Variants in TNR observed in about 807,000 individuals in gnomAD.
TNR encodes tenascin R, also known as tenascin-R.
Under a neutral mutation model 150.4 loss-of-function variants are expected in TNR, and 45 were observed. The ratio of observed to expected loss-of-function variants is 0.30; its 90% confidence interval spans 0.24 to 0.38. TNR has a LOEUF of 0.38. TNR is among the 10% of genes least tolerant of loss of function. The pLI, the probability that TNR is intolerant of heterozygous loss-of-function variation, is 1.00. For missense variants in TNR, 1,544 were observed against 1,759.1 expected (o/e 0.88, Z 2.19); for synonymous variants, 687 against 678.4 (o/e 1.01, Z -0.20).
chr1:175,340,045 A>G lies in TNR; in HGVS notation c.3383-2366T>C, dbSNP rs111818692. ...TTTTGAATACCTGAATGGCTATCAT[A>G]TAAAATAGTGATTCATTTTTTAAAG... On this transcript the variant is annotated intron_variant, in intron 18 of 22. Coordinates refer to ENST00000367674, the MANE Select transcript of TNR (RefSeq NM_003285.3). Among the ~76,000 whole-genome samples, 1,199 of 152,352 alleles carry G rather than the reference A, an allele frequency of 7.9e-3. 15 individuals carry two copies. Among genetic ancestry groups the G allele is most frequent in the African/African-American group, 0.025 (1,054 of 41,584 alleles).
rs1649100062 is a variant in TNR at position 175,322,339 on chromosome 1, C to G, written c.*1018G>C. The G allele has an allele frequency of 6.6e-6, 1 of 152,248 alleles. No homozygotes were observed. Among genetic ancestry groups the G allele is most frequent in the South Asian group, 2.1e-4 (1 of 4,830 alleles). 9.4% of individuals were successfully genotyped at this position (152,248 alleles called of 1,614,324 possible). A position where few individuals can be genotyped will look rare whatever the true frequency, so the allele number is the denominator to read the frequency against. On this transcript the variant is annotated 3_prime_UTR_variant, in exon 23 of 23. Transcript: ENST00000367674. ...ACTAGATTCCAAAATGCTGGTTGGG[C>G]TTTTGAGGCTCTGGGGTCTAAGACA...
At chr1:175,607,360 G>A (rs969547909) in intron 1 of TNR, among the ~76,000 whole-genome samples, 1 of 152,170 alleles carries the variant, frequency 6.6e-6, no homozygotes, top group African/African-American at 2.4e-5. Context: ...CTAAGCATTT[G>A]TGCAACCCAA....
chr1:175,651,042 C>T (rs866544602), intron 1 of TNR, among the ~76,000 whole-genome samples: 1 of 36,838 alleles, frequency 2.7e-5, no homozygotes, highest in Non-Finnish European at 5.7e-5. Flanking sequence ...TCATTACTAC[C>T]CCTCCCCACC....
chr1:175,679,315 G>A (rs542341392), intron 1 of TNR, among the ~76,000 whole-genome samples: 1 of 152,310 alleles, frequency 6.6e-6, no homozygotes, highest in Admixed American at 6.5e-5. Context: ...CCAGACAGCT[G>A]GGGCACCAGT....
chr1:175,404,490 C>T (rs1348907580), intron 3 of TNR, among the ~76,000 whole-genome samples: 1 of 152,170 alleles, frequency 6.6e-6, no homozygotes, highest in Non-Finnish European at 1.5e-5. Context: ...ATTTATCTGC[C>T]TAGCATGATT....
At chr1:175,687,882 C>T (rs1045060285) in intron 1 of TNR, among the ~76,000 whole-genome samples, 6 of 151,700 alleles carry the variant, frequency 4.0e-5, no homozygotes, top group East Asian at 1.9e-4. Context: ...CCCCAGAATA[C>T]GCTCCAATCT....
chr1:175,598,924 AGAAATCCAACGTGTGCAG>A (rs1203807326), intron 1 of TNR, among the ~76,000 whole-genome samples: 13 of 152,354 alleles, frequency 8.5e-5, no homozygotes, highest in African/African-American at 2.6e-4. Flanking sequence ...CCATGAGGGC[AGAAATCCAACGTGTGCAG>A]GAACCCCTCC....
chr1:175,570,205 T>C lies in TNR; in HGVS notation c.-164-41836A>G, dbSNP rs1661806744. ...AGACCAAACTGCTGATTTGTGATCT[T>C]TGTGAATGTCTCCAGAGGCCCAGGA... On this transcript the variant is annotated intron_variant, in intron 1 of 22. Transcript: ENST00000367674. Among the ~76,000 whole-genome samples the C allele has an allele frequency of 1.3e-5, 2 of 152,188 alleles. 1 individual carries two copies. Among genetic ancestry groups the C allele is most frequent in the South Asian group, 4.1e-4 (2 of 4,826 alleles).
At chr1:175,442,777 G>A (rs1353316991) in intron 2 of TNR, among the ~76,000 whole-genome samples, 2 of 151,730 alleles carry the variant, frequency 1.3e-5, no homozygotes, top group Non-Finnish European at 2.9e-5. Context: ...CAAAGCAAAC[G>A]TCAACATATC....
intron 1 of TNR, among the ~76,000 whole-genome samples, chr1:175,544,916 C>A (rs1186896063): frequency 2.0e-5 from 3 of 152,170 alleles, no homozygotes; most frequent in Admixed American, 1.3e-4. Flanking sequence ...AGACACTATA[C>A]CCAAGCAGAA....
At chr1:175,410,977 GCC>G (rs1654186807) in intron 2 of TNR, among the ~76,000 whole-genome samples, 1 of 152,152 alleles carries the variant, frequency 6.6e-6, no homozygotes. Context: ...GGTGGAGAAG[GCC>G]AAAGTTCATT....
At chr1:175,725,978 G>A (rs945667106) in intron 1 of TNR, among the ~76,000 whole-genome samples, 17 of 152,170 alleles carry the variant, frequency 1.1e-4, no homozygotes, top group Non-Finnish European at 2.9e-5. Context: ...CATTAGAGGT[G>A]CCAAGTACAT....
chr1:175,324,809 G>C (rs571239833), intron 21 of TNR, among the ~76,000 whole-genome samples: 2 of 151,488 alleles, frequency 1.3e-5, no homozygotes, highest in African/African-American at 2.4e-5. Flanking sequence ...ACCCTCAGCT[G>C]TTTCCTCCCA....
At chr1:175,328,707 A>G (rs1262434998) in intron 21 of TNR, among the ~76,000 whole-genome samples, 2 of 152,182 alleles carry the variant, frequency 1.3e-5, no homozygotes, top group East Asian at 1.9e-4. Flanking sequence ...GCACAGTCCA[A>G]CTGTTCTGGC....
chr1:175,416,751 G>A (rs931812616), intron 2 of TNR, among the ~76,000 whole-genome samples: 3 of 152,162 alleles, frequency 2.0e-5, no homozygotes, highest in African/African-American at 7.2e-5. Context: ...GCTCACGCCT[G>A]TAATCCCAGC....
At chr1:175,404,303 G>A (rs1298355023) in intron 3 of TNR, among the ~76,000 whole-genome samples, 2 of 152,000 alleles carry the variant, frequency 1.3e-5, no homozygotes, top group African/African-American at 2.4e-5. Context: ...AACCTGTCTC[G>A]CTCCCTCCCT....
At chr1:175,597,922 T>A (rs1408690520) in intron 1 of TNR, among the ~76,000 whole-genome samples, 1 of 152,186 alleles carries the variant, frequency 6.6e-6, no homozygotes, top group Non-Finnish European at 1.5e-5. Flanking sequence ...GAAGGGTTAG[T>A]GAAAATTGAA....
chr1:175,681,699 G>A (rs1036439585), intron 1 of TNR, among the ~76,000 whole-genome samples: 2 of 152,166 alleles, frequency 1.3e-5, no homozygotes, highest in African/African-American at 4.8e-5. Context: ...TGGGAGCAGT[G>A]ACACACTCCA....
intron 10 of TNR, among the ~76,000 whole-genome samples, chr1:175,366,492 A>G (rs181909255): frequency 6.6e-6 from 1 of 152,320 alleles, no homozygotes; most frequent in Non-Finnish European, 1.5e-5. Flanking sequence ...CCAAGTAGGG[A>G]TATGCCATTC....
Sources: allele counts gnomAD v4.1 joint callset (sites outside exome capture counted in the v4.1 genomes callset), GRCh38; gene constraint gnomAD v4.1.1; transcripts MANE v1.5; gene names NCBI Gene and HGNC (gene_info 2026-07-23, HGNC 2026-07-21).